Variants in CLSTN2 observed in about 807,000 individuals in gnomAD.
The protein encoded by CLSTN2 is calsyntenin-2.
A neutral mutation model predicts 101.2 loss-of-function variants in CLSTN2; 48 were observed. That is an observed-to-expected ratio of 0.47 (90% confidence interval 0.38 to 0.60). The LOEUF is 0.60. CLSTN2 is among the 20% of genes least tolerant of loss of function. The pLI is 0.00. For synonymous variants in CLSTN2, 481 were observed against 463.6 expected, an observed-to-expected ratio of 1.04 and a Z score of -0.48; for missense variants, 1,160 against 1,238.2, an observed-to-expected ratio of 0.94 and a Z score of 0.95.
chr3:140,453,489 C>T (rs189134966), intron 6 of CLSTN2, among the ~76,000 whole-genome samples: 57 of 152,206 alleles, frequency 3.7e-4, no homozygotes, highest in Non-Finnish European at 6.8e-4. Context: ...AGATGCTGTG[C>T]CAACTCTTAA....
chr3:140,282,607 CT>C (rs1559828138), intron 2 of CLSTN2, among the ~76,000 whole-genome samples: 1 of 127,642 alleles, frequency 7.8e-6, no homozygotes, highest in Admixed American at 9.3e-5. Context: ...CTGTGACTTT[CT>C]TTTTTTGGTC....
intron 2 of CLSTN2, among the ~76,000 whole-genome samples, chr3:140,261,609 A>T (rs538488109): frequency 3.5e-4 from 53 of 151,452 alleles, no homozygotes; most frequent in African/African-American, 1.2e-3. Flanking sequence ...TGCTGCTACT[A>T]GGGAATCATT....
chr3:140,351,537 A>G (rs1276164426), intron 2 of CLSTN2, among the ~76,000 whole-genome samples: 2 of 152,192 alleles, frequency 1.3e-5, no homozygotes, highest in Admixed American at 6.5e-5. Flanking sequence ...AGGTCAGCAA[A>G]CTAGTTCTGT....
intron 1 of CLSTN2, among the ~76,000 whole-genome samples, chr3:140,172,487 C>T (rs906677816): frequency 6.6e-6 from 1 of 152,124 alleles, no homozygotes; most frequent in East Asian, 1.9e-4. Flanking sequence ...AAACTCCTGG[C>T]ACAGTCTTAT....
chr3:140,170,052 A>G (rs2010188805), intron 1 of CLSTN2, among the ~76,000 whole-genome samples: 1 of 152,238 alleles, frequency 6.6e-6, no homozygotes, highest in Non-Finnish European at 1.5e-5. Context: ...TAAAAAGGCA[A>G]TAATCATTAA....
chr3:140,245,571 G>T (rs910562952), intron 2 of CLSTN2, among the ~76,000 whole-genome samples: 1 of 152,182 alleles, frequency 6.6e-6, no homozygotes, highest in African/African-American at 2.4e-5. Context: ...ATTCACTGTG[G>T]TGACAAGAAT....
intron 8 of CLSTN2, among the ~76,000 whole-genome samples, chr3:140,512,725 T>C (rs1934839372): frequency 6.6e-6 from 1 of 152,224 alleles, no homozygotes; most frequent in African/African-American, 2.4e-5. Context: ...TTTTAAGATA[T>C]TGATTCTTCC....
At position 140,564,041 on chromosome 3, in the gene CLSTN2, G is replaced by A. The variant is rs761513804; in HGVS notation, c.2563G>A (p.Val855Ile). Residue 855 changes from valine (V) to isoleucine (I), a missense_variant, in exon 16 of 17, where the codon GTC (valine) becomes ATC (isoleucine). Val to Ile is a conservative substitution (Grantham distance 29). Transcript: ENST00000458420. ...TGTCGTGGCCATGGGTGTGTACCGG[G>A]TCCGGATCGCCCACCAGCACTTCAT... is the stretch of plus-strand genomic sequence containing the variant. Reference protein sequence around the residue: ...VFVVAMGVYRVRIAHQHFIQE... With the variant: ...VFVVAMGVYRIRIAHQHFIQE... 1.9e-6 allele frequency: 3 copies of A among 1,613,996 alleles called. No individual in the cohort carries two copies. The highest frequency in any genetic ancestry group is 2.7e-5 in the African/African-American group (2 of 74,902).
intron 2 of CLSTN2, among the ~76,000 whole-genome samples, chr3:140,342,430 C>T (rs78261101): frequency 0.037 from 5,576 of 151,998 alleles, 117 homozygotes; most frequent in South Asian, 0.074. Flanking sequence ...ATCTGTACTT[C>T]TTTCATATGC....
intron 1 of CLSTN2, among the ~76,000 whole-genome samples, chr3:139,956,442 C>T (rs1047889380): frequency 2.6e-5 from 4 of 152,128 alleles, no homozygotes; most frequent in Non-Finnish European, 5.9e-5. Context: ...TTGTTAGTCA[C>T]CCCCGCTGGG....
At chr3:140,361,926 G>A (rs570309615) in intron 2 of CLSTN2, among the ~76,000 whole-genome samples, 17 of 152,080 alleles carry the variant, frequency 1.1e-4, no homozygotes, top group East Asian at 3.8e-4. Context: ...CAGATTAAAC[G>A]TAATTCCTAC....
chr3:140,177,583 A>G (rs1158360224), intron 2 of CLSTN2, among the ~76,000 whole-genome samples: 1 of 152,110 alleles, frequency 6.6e-6, no homozygotes, highest in Admixed American at 6.6e-5. Flanking sequence ...TGAGGCCAGA[A>G]GTTCAAGACA....
At chr3:139,985,163 C>G (rs1157880) in intron 1 of CLSTN2, among the ~76,000 whole-genome samples, 49,885 of 152,002 alleles carry the variant, frequency 0.33, 10,112 homozygotes, top group Non-Finnish European at 0.46. Context: ...CCACTCAACA[C>G]ATTTTTTAAG....
chr3:140,473,798 C>T (rs913232562), intron 8 of CLSTN2, among the ~76,000 whole-genome samples: 1 of 151,624 alleles, frequency 6.6e-6, no homozygotes, highest in Non-Finnish European at 1.5e-5. Context: ...TGCTTTGTTG[C>T]CCAGGCTGGA....
intron 2 of CLSTN2, among the ~76,000 whole-genome samples, chr3:140,264,172 G>A (rs1356710766): frequency 6.6e-6 from 1 of 151,650 alleles, no homozygotes; most frequent in African/African-American, 2.4e-5. Context: ...TCTATTTAGT[G>A]CCACATGTTT....
At chr3:140,207,013 CCTT>C (rs2010792786) in intron 2 of CLSTN2, among the ~76,000 whole-genome samples, 1 of 152,132 alleles carries the variant, frequency 6.6e-6, no homozygotes, top group Admixed American at 6.5e-5. Context: ...CTGTAGTCCT[CCTT>C]TTGACCCATC....
At chr3:140,235,779 G>A (rs2086411437) in intron 2 of CLSTN2, among the ~76,000 whole-genome samples, 1 of 152,192 alleles carries the variant, frequency 6.6e-6, no homozygotes, top group South Asian at 2.1e-4. Flanking sequence ...AATGCCTTAT[G>A]ATTGGAGGAG....
At chr3:140,362,728 A>G (rs1424641371) in intron 2 of CLSTN2, among the ~76,000 whole-genome samples, 1 of 152,212 alleles carries the variant, frequency 6.6e-6, no homozygotes, top group African/African-American at 2.4e-5. Flanking sequence ...CAATCAATAT[A>G]ATTAGTCATT....
At chr3:140,404,343 T>C (rs1363456292) in intron 3 of CLSTN2, among the ~76,000 whole-genome samples, 1 of 152,186 alleles carries the variant, frequency 6.6e-6, no homozygotes, top group African/African-American at 2.4e-5. Context: ...CATAAAAGTC[T>C]CTCTGGGATG....
Sources: allele counts gnomAD v4.1 joint callset (sites outside exome capture counted in the v4.1 genomes callset), GRCh38; gene constraint gnomAD v4.1.1; transcripts MANE v1.5; gene names NCBI Gene and HGNC (gene_info 2026-07-23, HGNC 2026-07-21).